GSTM5: variants seen among roughly 807,000 people sequenced by gnomAD.
The protein encoded by GSTM5 is GST class-mu 5.
Under a neutral mutation model 29.0 loss-of-function variants are expected in GSTM5, and 24 were observed. The ratio of observed to expected loss-of-function variants is 0.83; its 90% CI spans 0.60 to 1.16. The LOEUF is 1.16. Ranked by LOEUF, GSTM5 falls within the 50% of genes most tolerant of loss-of-function variation. The pLI, the probability that GSTM5 is intolerant of heterozygous loss-of-function variation, is 0.00. For missense variants in GSTM5, 290 were observed against 263.0 expected (o/e 1.10, Z -0.71); for synonymous variants, 91 against 93.6 (o/e 0.97, Z 0.16).
chr1:109,714,149 G>A (rs186456905), intron 5 of GSTM5: 21 of 166,112 alleles, frequency 1.3e-4, no homozygotes, highest in Admixed American at 8.9e-4. Flanking sequence ...TTATTCTCAC[G>A]ACTCCAATGT....
chr1:109,716,372 TG>T, intron 7 of GSTM5: 1 of 160,188 alleles, frequency 6.2e-6, no homozygotes, highest in Non-Finnish European at 1.4e-5. Context: ...AGGGGAGCGG[TG>T]GGGAACAGCC....
rs1403570786 is a variant in GSTM5, at chr1:109,715,121, C to T, written c.457-9C>T. The T allele has an allele frequency of 6.2e-7, 1 of 1,614,068 alleles. No homozygotes were observed. Among genetic ancestry groups the T allele is most frequent in the Admixed American group, 1.7e-5 (1 of 60,010 alleles). ...GGTTTTCAGCCCACACATTCTTGGCCTTCTTCAGATCACCTTTGTGGATTT... is the reference window on the plus strand; with the variant it reads ...GGTTTTCAGCCCACACATTCTTGGCTTTCTTCAGATCACCTTTGTGGATTT... On this transcript the variant is annotated splice_polypyrimidine_tract_variant and intron_variant, in intron 6 of 7. Transcript: ENST00000256593.
intron 1 of GSTM5, 94 bp from the exon 2 acceptor site, chr1:109,712,524 G>A (rs918783427): frequency 3.4e-5 from 50 of 1,450,410 alleles, no homozygotes; most frequent in Non-Finnish European, 4.3e-5. Context: ...CGACGGGTAC[G>A]TGCAGTATAG....
At chr1:109,715,318 C>G in intron 7 of GSTM5, 78 bp downstream of exon 7, 1 of 1,613,836 alleles carries the variant, frequency 6.2e-7, no homozygotes, top group Non-Finnish European at 8.5e-7. Context: ...AGTCCTGGAG[C>G]TACACAAAGA....
Position 109,714,706 on chromosome 1 carries a change from C to A in GSTM5, c.361-241C>A, listed in dbSNP as rs1029250594. ...GGCTGACCCAGAGGCTATTGGGAGG[C>A]CAGTGAGGACAGATTCAGGAAGAGC... On this transcript the variant is annotated intron_variant, in intron 5 of 7. Transcript: ENST00000256593. The A allele has an allele frequency of 5.5e-5, 31 of 568,692 alleles. No individual in the cohort carries two copies. In the Admixed American group the frequency reaches 9.2e-4, roughly 17 times the overall value. The allele number at this position is 568,692 out of a possible 1,614,324, so 35.2% of individuals were successfully genotyped here. A position where few individuals can be genotyped will look rare whatever the true frequency, so the allele number is the denominator to read the frequency against.
At position 109,713,645 on chromosome 1, in the gene GSTM5, G is replaced by T. The variant is rs1648644876; in HGVS notation, c.260-16G>T. ...GCTGTGATGCTGAGATTGAGTCTGT[G>T]TTTTGTGGGTGGCAGGTGGGGAGAC... is the stretch of plus-strand genomic sequence containing the variant. On this transcript the variant is annotated splice_polypyrimidine_tract_variant and intron_variant, in intron 4 of 7. Coordinates refer to ENST00000256593, the MANE Select transcript of GSTM5 (RefSeq NM_000851.4). 1 of 1,614,228 alleles carries T rather than the reference G, an allele frequency of 6.2e-7. No homozygotes were observed. The highest frequency in any genetic ancestry group is 8.5e-7 in the Non-Finnish European group (1 of 1,180,036).
intron 2 of GSTM5, chr1:109,712,901 T>C (rs1648609390): frequency 1.2e-6 from 1 of 840,770 alleles, no homozygotes; most frequent in African/African-American, 1.7e-5. Context: ...TTGGGTTGGG[T>C]GTCCCTCAGA....
At position 109,717,641 on chromosome 1, in the gene GSTM5, T is replaced by A; in HGVS notation, c.*215T>A. On this transcript the variant is annotated 3_prime_UTR_variant, in exon 8 of 8. Transcript: ENST00000256593. ...AGCTCCCCACTGTCCTCCATCAAAGTCCCCCTCCTAACGTCTTCCTTTCCC... is the reference window on the plus strand; with the variant it reads ...AGCTCCCCACTGTCCTCCATCAAAGACCCCCTCCTAACGTCTTCCTTTCCC... 2.0e-6 allele frequency: 1 copy of A among 511,720 alleles called. No homozygotes were observed. The highest frequency in any genetic ancestry group is 3.6e-6 in the Non-Finnish European group (1 of 280,582). The allele number at this position is 511,720 out of a possible 1,614,324, so 31.7% of individuals were successfully genotyped here.
Position 109,713,711 on chromosome 1 carries a change from G to C in GSTM5, c.310G>C (p.Val104Leu). The change falls in exon 5 of 8, where the codon GTT becomes CTT. Residue 104 changes from valine (V) to leucine (L), a missense_variant. Coordinates refer to ENST00000256593, the MANE Select transcript of GSTM5 (RefSeq NM_000851.4). ...KIRVDILENQ[V>L]MDNHMELVRL... is the part of the protein sequence containing the mutation. The stretch of plus-strand genomic sequence containing the variant: ...TCGTGTGGACATTTTGGAGAACCAG[G>C]TTATGGATAACCACATGGAGCTGGT... 1.2e-6 allele frequency: 2 copies of C among 1,612,532 alleles called. No homozygotes were observed. The highest frequency in any genetic ancestry group is 1.7e-6 in the Non-Finnish European group (2 of 1,179,736).
At chr1:109,715,753 C>T (rs557525364) in intron 7 of GSTM5, 4 of 410,822 alleles carry the variant, frequency 9.7e-6, no homozygotes, top group Non-Finnish European at 4.5e-6. Context: ...CCCCCAGAAG[C>T]TTTGCATGAT....
Position 109,712,345 on chromosome 1 carries a change from T to TG in GSTM5, c.36+1dup. 1 of 1,613,088 alleles carries TG rather than the reference T, an allele frequency of 6.2e-7. No homozygotes were observed. Among genetic ancestry groups the TG allele is most frequent in the South Asian group, 1.1e-5 (1 of 91,024 alleles). Reference sequence around the variant, plus strand: ...TGACTCTGGGGTACTGGGACATCCGTGGGGTAAGCGAGGGTCCTCTGGTGG... The same window carrying TG: ...TGACTCTGGGGTACTGGGACATCCGTGGGGGTAAGCGAGGGTCCTCTGGTGG... On this transcript the variant is annotated frameshift_variant, in exon 1 of 8. Coordinates refer to ENST00000256593, the MANE Select transcript of GSTM5 (RefSeq NM_000851.4). LOFTEE classifies it high-confidence loss of function.
rs1424059353 is a variant in GSTM5 at position 109,712,704 on chromosome 1, C to T, written c.112+11C>T. 1 of 1,613,852 alleles carries T rather than the reference C, an allele frequency of 6.2e-7. No homozygotes were observed. The highest frequency in any genetic ancestry group is 8.5e-7 in the Non-Finnish European group (1 of 1,179,816). On this transcript the variant is annotated intron_variant, in intron 2 of 7. Coordinates refer to ENST00000256593, the MANE Select transcript of GSTM5 (RefSeq NM_000851.4). ...ACACGCTGGGGGACGGTAATGGCAC[C>T]CTCGTGTCCGGGCCCTGCCCACTCA...
chr1:109,715,436 T>G, intron 7 of GSTM5, 196 bp downstream of exon 7: 2 of 1,541,704 alleles, frequency 1.3e-6, no homozygotes, highest in Non-Finnish European at 1.8e-6. Context: ...GGTGACAGAA[T>G]TATCTTGCCC....
At position 109,713,752 on chromosome 1, in the gene GSTM5, C is replaced by A. The variant is rs745858669; in HGVS notation, c.351C>A (p.Asp117Glu). Residue 117 changes from aspartate (D) to glutamate (E), a missense_variant, in exon 5 of 8, where the codon GAC becomes GAA. Coordinates refer to ENST00000256593, the MANE Select transcript of GSTM5 (RefSeq NM_000851.4). ...TGGAGCTGGTCAGACTGTGCTATGACCCAGATTTTGTGAGTCCCACACCCC... is the reference window on the plus strand; with the variant it reads ...TGGAGCTGGTCAGACTGTGCTATGAACCAGATTTTGTGAGTCCCACACCCC... Reference protein sequence around the residue: ...NHMELVRLCYDPDFEKLKPKY... With the variant: ...NHMELVRLCYEPDFEKLKPKY... 8.7e-6 allele frequency: 14 copies of A among 1,612,356 alleles called. No individual in the cohort carries two copies. Among genetic ancestry groups the A allele is most frequent in the Non-Finnish European group, 1.2e-5 (14 of 1,179,384 alleles).
In GSTM5 at chr1:109,712,318, C is replaced by T. The variant is rs1456674740; in HGVS notation, c.6C>T (p.Pro2=). The change falls in exon 1 of 8, where the codon CCC becomes CCT. Residue 2 remains proline, a synonymous_variant. Coordinates refer to ENST00000256593, the MANE Select transcript of GSTM5 (RefSeq NM_000851.4). M[P]MTLGYWDIRG... is the part of the protein sequence containing the mutation. ...AATCCGCACCAACCAGCACCATGCCCATGACTCTGGGGTACTGGGACATCC... is the reference window on the plus strand; with the variant it reads ...AATCCGCACCAACCAGCACCATGCCTATGACTCTGGGGTACTGGGACATCC... 1.2e-6 allele frequency: 2 copies of T among 1,614,120 alleles called. No homozygotes were observed. The highest frequency in any genetic ancestry group is 1.1e-5 in the South Asian group (1 of 91,076).
chr1:109,716,338 T>C (rs143815763), intron 7 of GSTM5: 279 of 166,376 alleles, frequency 1.7e-3, no homozygotes, highest in African/African-American at 6.2e-3. Context: ...TGAGCAGCCT[T>C]GGGGTTATGT....
chr1:109,714,824 T>G, intron 5 of GSTM5, 123 bp from the exon 6 acceptor site: 2 of 881,820 alleles, frequency 2.3e-6, no homozygotes, highest in Non-Finnish European at 3.8e-6. Context: ...ACTGCCCCGG[T>G]TTTAGTTGTG....
At chr1:109,714,544 T>G (rs569754560) in intron 5 of GSTM5, 1 of 224,436 alleles carries the variant, frequency 4.5e-6, no homozygotes, top group Admixed American at 5.2e-5. Flanking sequence ...TGGAAACTAG[T>G]CAATGTTCAT....
intron 5 of GSTM5, 89 bp from the exon 6 acceptor site, chr1:109,714,858 G>C: frequency 7.8e-7 from 1 of 1,275,232 alleles, no homozygotes; most frequent in Non-Finnish European, 1.1e-6. Context: ...CTTGCCTGTG[G>C]CCAGCCTGGG....
Sources: allele counts gnomAD v4.1 joint callset, GRCh38; gene constraint gnomAD v4.1.1; transcripts MANE v1.5; gene names NCBI Gene and HGNC (gene_info 2026-07-23, HGNC 2026-07-21).